Variants in SS18L2 observed in about 807,000 individuals in gnomAD.
SS18L2 encodes the protein SS18 like 2, also known as SS18-like protein 2.
Under a neutral mutation model 10.3 loss-of-function variants are expected in SS18L2, and 8 were observed. That is an observed-to-expected ratio of 0.78 (90% CI 0.46 to 1.41). The LOEUF is 1.41. SS18L2 is among the 40% of genes most tolerant of loss of function. The pLI is 0.00. For synonymous variants in SS18L2, 41 were observed against 34.6 expected (o/e 1.19, Z -0.65); for missense variants, 100 against 96.2 (o/e 1.04, Z -0.17).
upstream of SS18L2, chr3:42,590,788 C>T (rs1483639641): frequency 2.6e-6 from 3 of 1,155,276 alleles, no homozygotes; most frequent in Admixed American, 3.4e-5. Context: ...AATGACGTCC[C>T]TTCTGTACCC....
chr3:42,582,417 C>G (rs1351429670), intron 1 of SS18L2: 1 of 152,396 alleles, frequency 6.6e-6, no homozygotes, highest in African/African-American at 2.4e-5. Flanking sequence ...TACTGCCAGC[C>G]TGGATGGGGC....
chr3:42,591,726 AAG>A, intron 2 of SS18L2, 125 bp downstream of exon 2: 2 of 722,302 alleles, frequency 2.8e-6, no homozygotes, highest in Admixed American at 2.2e-5. Flanking sequence ...GAACTGAGGA[AAG>A]AGAGGCTCAA....
chr3:42,590,639 G>A (rs564187627), upstream of SS18L2, among the ~76,000 whole-genome samples: 1 of 152,118 alleles, frequency 6.6e-6, no homozygotes, highest in South Asian at 2.1e-4. Flanking sequence ...CGCCAGGTAG[G>A]TCAGCAGTAG....
intron 2 of SS18L2, among the ~76,000 whole-genome samples, chr3:42,592,485 C>T (rs1704885056): frequency 6.6e-6 from 1 of 152,226 alleles, no homozygotes; most frequent in African/African-American, 2.4e-5. Context: ...CAGGCATGAG[C>T]CACCACGGCC....
rs566969331 is a variant in SS18L2 at position 42,595,865 on chromosome 3, A to G, written c.*1356A>G. ...CTGAAAGCTCTGTTTCCTCACCTCT[A>G]AAGTGAGGATAATGAAAATAGCATC... On this transcript the variant is annotated 3_prime_UTR_variant, in exon 3 of 3. Coordinates refer to ENST00000011691, the MANE Select transcript of SS18L2 (RefSeq NM_001370300.1). Among the ~76,000 whole-genome samples, 297 of 152,294 alleles carry G rather than the reference A, an allele frequency of 2.0e-3. No individual in the cohort carries two copies. Among genetic ancestry groups the G allele is most frequent in the African/African-American group, 6.9e-3 (288 of 41,562 alleles).
Position 42,591,530 on chromosome 3 carries a change from TGAG to T in SS18L2, c.79_81del (p.Glu27del), listed in dbSNP as rs1340384895. ...TTCTTTCTCTGATCTTTCAGCTCCT[TGAG>T]GAGAATGACCAGCTGATCCGCTGTA... On this transcript the variant is annotated inframe_deletion, in exon 2 of 3. Coordinates refer to ENST00000011691, the MANE Select transcript of SS18L2 (RefSeq NM_001370300.1). The T allele has an allele frequency of 3.1e-6, 5 of 1,612,978 alleles. No individual in the cohort carries two copies. In the African/African-American group the frequency reaches 6.7e-5, roughly 22 times the overall value.
chr3:42,590,755 T>G (rs6805211), upstream of SS18L2: 3,051 of 872,380 alleles, frequency 3.5e-3, 76 homozygotes, highest in African/African-American at 0.042. Flanking sequence ...GCGCTGAGTA[T>G]AGCTCTTGCG....
intron 1 of SS18L2, among the ~76,000 whole-genome samples, chr3:42,584,968 A>G (rs1362845970): frequency 6.6e-6 from 1 of 152,104 alleles, no homozygotes; most frequent in African/African-American, 2.4e-5. Flanking sequence ...CTCTATTGAA[A>G]AATTACAAAA....
At chr3:42,591,416 A>G (rs1292267434) in intron 1 of SS18L2, 109 bp from the exon 2 acceptor site, 9 of 793,576 alleles carry the variant, frequency 1.1e-5, no homozygotes, top group Non-Finnish European at 2.0e-5. Context: ...GCTAGTCTCG[A>G]ACTCCTGACC....
upstream of SS18L2, among the ~76,000 whole-genome samples, chr3:42,586,386 C>A (rs1704608965): frequency 6.6e-6 from 1 of 152,062 alleles, no homozygotes; most frequent in African/African-American, 2.4e-5. Context: ...CCATGCCTGG[C>A]TAATTTTTGT....
chr3:42,590,379 C>G (rs1322796704), upstream of SS18L2, among the ~76,000 whole-genome samples: 1 of 152,144 alleles, frequency 6.6e-6, no homozygotes, highest in Non-Finnish European at 1.5e-5. Flanking sequence ...GTATGCACAC[C>G]CAGCACTTTG....
chr3:42,594,473 T>C lies in SS18L2; in HGVS notation c.198T>C (p.Asp66=), dbSNP rs779948521. The change falls in exon 3 of 3, where the codon GAT becomes GAC. Residue 66 remains aspartate, a synonymous_variant. Transcript: ENST00000011691. ...TCATTTATTTGGCTACCATTGCAGA[T>C]GCCAGTCCAACCAGCACTTCAAAAG... The part of the protein sequence containing the change: ...RNLIYLATIA[D]ASPTSTSKAM... 10 of 1,613,970 alleles carry C rather than the reference T, an allele frequency of 6.2e-6. No homozygotes were observed. Among genetic ancestry groups the C allele is most frequent in the Non-Finnish European group, 8.5e-6 (10 of 1,179,954 alleles).
chr3:42,590,504 G>T (rs1704782571), upstream of SS18L2, among the ~76,000 whole-genome samples: 1 of 151,912 alleles, frequency 6.6e-6, no homozygotes, highest in Non-Finnish European at 1.5e-5. Context: ...GCGGGCGCCT[G>T]TAGTCCCAGG....
intron 1 of SS18L2, among the ~76,000 whole-genome samples, chr3:42,584,427 G>C (rs1439248514): frequency 6.6e-6 from 1 of 152,122 alleles, no homozygotes; most frequent in East Asian, 1.9e-4. Flanking sequence ...GCTAATTTTT[G>C]TATTTTTAGT....
chr3:42,584,053 TC>T (rs1704527647), intron 1 of SS18L2, among the ~76,000 whole-genome samples: 1 of 152,162 alleles, frequency 6.6e-6, no homozygotes. Flanking sequence ...TTGTAGATGG[TC>T]TATTGTGGGA....
At chr3:42,585,224 A>C (rs1462939536) in intron 1 of SS18L2, among the ~76,000 whole-genome samples, 1 of 152,124 alleles carries the variant, frequency 6.6e-6, no homozygotes, top group Admixed American at 6.5e-5. Context: ...AGGACCTTAC[A>C]CTCTCTGACT....
At chr3:42,582,655 A>G (rs1704457932) in intron 1 of SS18L2, among the ~76,000 whole-genome samples, 1 of 152,258 alleles carries the variant, frequency 6.6e-6, no homozygotes, top group African/African-American at 2.4e-5. Flanking sequence ...TCAAACAATC[A>G]AACACCTGTA....
intron 1 of SS18L2, among the ~76,000 whole-genome samples, chr3:42,582,875 G>T (rs919945885): frequency 2.0e-5 from 3 of 152,230 alleles, no homozygotes; most frequent in African/African-American, 7.2e-5. Context: ...GGGGGAAATG[G>T]AAAGTTAGTG....
upstream of SS18L2, among the ~76,000 whole-genome samples, chr3:42,588,918 C>G (rs1477144799): frequency 6.6e-6 from 1 of 152,022 alleles, no homozygotes; most frequent in Non-Finnish European, 1.5e-5. Context: ...CTGAGTCCGC[C>G]CCAGCTCAGG....
Sources: gnomAD v4.1 joint callset for allele counts (sites outside exome capture counted in the v4.1 genomes callset) on GRCh38, gnomAD v4.1.1 for gene constraint, MANE v1.5 for transcripts, NCBI Gene and HGNC (gene_info 2026-07-23, HGNC 2026-07-21) for gene names.